Variants in SLC47A1 observed in about 807,000 individuals in gnomAD.
The protein encoded by SLC47A1 is solute carrier family 47 member 1, also known as multidrug and toxin extrusion protein 1.
SLC47A1 carries 58 observed loss-of-function variants against 65.8 expected under a neutral mutation model. The observed-to-expected ratio is 0.88, with a 90% CI of 0.71 to 1.10. The LOEUF is 1.10. SLC47A1 is among the 50% of genes least tolerant of loss of function. The probability of loss-of-function intolerance (pLI) is 0.00; values close to 1 mark genes in which losing one functional copy is unlikely to be tolerated. For missense variants in SLC47A1, 706 were observed against 719.2 expected (o/e 0.98, Z 0.21); for synonymous variants, 285 against 295.0 (o/e 0.97, Z 0.35).
rs139207813 is a variant in SLC47A1 at position 19,545,993 on chromosome 17, C to T, written c.238-442C>T. 5.4e-3 allele frequency among the ~76,000 whole-genome samples: 816 copies of T among 152,088 alleles called. 6 individuals carry two copies. The highest frequency in any genetic ancestry group is 0.019 in the African/African-American group (772 of 41,492). ...ATCCCAGCACTTTGGGAGGCGGAGGCGGGTGGATCACGAGGTCAAGAGATC... is the reference window on the plus strand; with the variant it reads ...ATCCCAGCACTTTGGGAGGCGGAGGTGGGTGGATCACGAGGTCAAGAGATC... On this transcript the variant is annotated intron_variant, in intron 2 of 16. Transcript: ENST00000270570.
chr17:19,543,995 G>A (rs1226558925), intron 2 of SLC47A1, among the ~76,000 whole-genome samples: 5 of 152,182 alleles, frequency 3.3e-5, no homozygotes, highest in Non-Finnish European at 7.4e-5. Flanking sequence ...TCGCTCTGTC[G>A]CCCGGTCTGG....
intron 6 of SLC47A1, among the ~76,000 whole-genome samples, chr17:19,552,684 T>C (rs1241593860): frequency 2.0e-5 from 3 of 152,124 alleles, no homozygotes. Flanking sequence ...GTTGGGAGCT[T>C]TGAACTTGGT....
chr17:19,559,474 A>G (rs2084290169), intron 10 of SLC47A1, among the ~76,000 whole-genome samples: 1 of 152,178 alleles, frequency 6.6e-6, no homozygotes, highest in African/African-American at 2.4e-5. Flanking sequence ...GTGAACTATG[A>G]TTGTGCCACT....
intron 1 of SLC47A1, among the ~76,000 whole-genome samples, chr17:19,540,504 C>CA (rs1916114113): frequency 1.3e-5 from 2 of 152,126 alleles, no homozygotes; most frequent in Non-Finnish European, 2.9e-5. Flanking sequence ...TAAAGAGACA[C>CA]CAAGCTCCAC....
intron 15 of SLC47A1, 91 bp downstream of exon 15, chr17:19,571,663 T>C: frequency 1.1e-6 from 1 of 935,746 alleles, no homozygotes; most frequent in South Asian, 1.6e-5. Context: ...GGAAAGTTCT[T>C]TTCTCATTTT....
At chr17:19,565,913 TAAAC>T (rs1567973166) in intron 12 of SLC47A1, among the ~76,000 whole-genome samples, 1 of 152,136 alleles carries the variant, frequency 6.6e-6, no homozygotes. Context: ...ATTCCAGAAA[TAAAC>T]AATTCATAAG....
At chr17:19,547,013 G>A (rs1320781450) in intron 3 of SLC47A1, 1 of 155,290 alleles carries the variant, frequency 6.4e-6, no homozygotes, top group Non-Finnish European at 1.4e-5. Flanking sequence ...TGAACCTGGA[G>A]CTGGAAGAGA....
intron 5 of SLC47A1, 121 bp downstream of exon 5, chr17:19,549,798 C>T: frequency 9.4e-7 from 1 of 1,063,416 alleles, no homozygotes; most frequent in Non-Finnish European, 1.4e-6. Flanking sequence ...GGTGTTGGTG[C>T]CTTCAAGGAA....
At chr17:19,574,232 C>G (rs1315577552) in intron 16 of SLC47A1, among the ~76,000 whole-genome samples, 1 of 152,048 alleles carries the variant, frequency 6.6e-6, no homozygotes, top group Non-Finnish European at 1.5e-5. Flanking sequence ...CTGGTTCATC[C>G]TTAAGTCTTG....
intron 1 of SLC47A1, among the ~76,000 whole-genome samples, chr17:19,541,640 G>T (rs113053447): frequency 2.0e-5 from 3 of 152,292 alleles, no homozygotes; most frequent in African/African-American, 7.2e-5. Flanking sequence ...CCAAGTGGAC[G>T]ATCTCATCGC....
intron 1 of SLC47A1, among the ~76,000 whole-genome samples, chr17:19,537,823 C>T (rs1196567572): frequency 3.9e-5 from 6 of 152,196 alleles, no homozygotes; most frequent in Non-Finnish European, 8.8e-5. Context: ...CTCCTGGTTA[C>T]ACCCTCCACC....
intron 10 of SLC47A1, among the ~76,000 whole-genome samples, chr17:19,556,333 G>C (rs1035746932): frequency 6.6e-6 from 1 of 152,102 alleles, no homozygotes; most frequent in Non-Finnish European, 1.5e-5. Context: ...TGAAAGATTT[G>C]ATTTTGTTTC....
intron 14 of SLC47A1, among the ~76,000 whole-genome samples, chr17:19,567,458 C>T (rs1463578376): frequency 6.6e-6 from 1 of 152,210 alleles, no homozygotes; most frequent in Admixed American, 6.5e-5. Context: ...GGCGATCTTC[C>T]ACGCTGACAC....
intron 1 of SLC47A1, among the ~76,000 whole-genome samples, chr17:19,540,159 C>T (rs932309184): frequency 7.2e-5 from 11 of 152,120 alleles, no homozygotes; most frequent in African/African-American, 2.4e-4. Context: ...TTGGACTGGC[C>T]CCCACCCAAG....
chr17:19,555,320 C>G lies in SLC47A1; in HGVS notation c.641+11C>G, dbSNP rs541092451. ...GCATCTTGGGGTGATGTGAGTCCAACATACTCTTGGGACAGGGAGAAGGGA... is the reference window on the plus strand; with the variant it reads ...GCATCTTGGGGTGATGTGAGTCCAAGATACTCTTGGGACAGGGAGAAGGGA... On this transcript the variant is annotated intron_variant, in intron 7 of 16. Transcript: ENST00000270570. The G allele has an allele frequency of 6.2e-7, 1 of 1,613,680 alleles. No individual in the cohort carries two copies. The highest frequency in any genetic ancestry group is 1.1e-5 in the South Asian group (1 of 91,070).
intron 1 of SLC47A1, among the ~76,000 whole-genome samples, chr17:19,541,119 A>G (rs917062061): frequency 2.0e-5 from 3 of 152,126 alleles, no homozygotes; most frequent in African/African-American, 4.8e-5. Context: ...TTGGAGCCCT[A>G]AAAGAGGGAC....
chr17:19,542,251 C>A, intron 1 of SLC47A1, 142 bp from the exon 2 acceptor site: 1 of 471,512 alleles, frequency 2.1e-6, no homozygotes, highest in Non-Finnish European at 3.8e-6. Context: ...TGTACATTTG[C>A]CTGTGAAAGG....
rs761625627 is a variant in SLC47A1, at chr17:19,567,195, G to A, written c.1276G>A (p.Ala426Thr). The change falls in exon 14 of 17, where the codon GCG becomes ACG. Residue 426 changes from alanine to threonine, a missense_variant. Physicochemically the swap from Ala to Thr is moderately conservative, Grantham distance 58. Coordinates refer to ENST00000270570, the MANE Select transcript of SLC47A1 (RefSeq NM_018242.3). The part of the protein sequence containing the change: ...YYVVGLPIGI[A>T]LMFATTLGVM... ...TGTGGTTGGCCTCCCCATCGGGATCGCGCTGATGTTTGCAACCACACTTGG... is the reference window on the plus strand; with the variant it reads ...TGTGGTTGGCCTCCCCATCGGGATCACGCTGATGTTTGCAACCACACTTGG... 17 of 1,614,040 alleles carry A rather than the reference G, an allele frequency of 1.1e-5. No individual in the cohort carries two copies. Among genetic ancestry groups the A allele is most frequent in the African/African-American group, 2.7e-5 (2 of 74,908 alleles).
In SLC47A1 at chr17:19,556,021, G is replaced by C. The variant is rs563267554; in HGVS notation, c.880G>C (p.Ala294Pro). 1 of 1,614,034 alleles carries C rather than the reference G, an allele frequency of 6.2e-7. No homozygotes were observed. Among genetic ancestry groups the C allele is most frequent in the African/African-American group, 1.3e-5 (1 of 74,920 alleles). The change falls in exon 10 of 17, where the codon GCT becomes CCT. Residue 294 changes from alanine to proline, a missense_variant. Transcript: ENST00000270570. The part of the protein sequence containing the change: ...SGILGMVELG[A>P]QSIVYELAII... ...CATCCTCGGCATGGTGGAGCTGGGC[G>C]CTCAGTCCATCGTGTATGAACTGGC...
Sources: allele counts gnomAD v4.1 joint callset (sites outside exome capture counted in the v4.1 genomes callset), GRCh38; gene constraint gnomAD v4.1.1; transcripts MANE v1.5; gene names NCBI Gene and HGNC (gene_info 2026-07-23, HGNC 2026-07-21).